The following SYNJ2 variants were observed in gnomAD, a reference collection of about 807,000 sequenced individuals.
SYNJ2 encodes polyphosphatidylinositol phosphatase SYNJ2.
A neutral mutation model predicts 141.3 loss-of-function variants in SYNJ2; 116 were observed. The observed-to-expected ratio is 0.82, with a 90% CI of 0.71 to 0.96. SYNJ2 has a LOEUF of 0.96. SYNJ2 is among the 40% of genes least tolerant of loss of function. The pLI, the probability that SYNJ2 is intolerant of heterozygous loss-of-function variation, is 0.00. For synonymous variants in SYNJ2, 745 were observed against 777.7 expected, an observed-to-expected ratio of 0.96 and a Z score of 0.70; for missense variants, 1,873 against 1,934.8, an observed-to-expected ratio of 0.97 and a Z score of 0.60.
intron 20 of SYNJ2, among the ~76,000 whole-genome samples, chr6:158,082,330 T>C (rs1052949714): frequency 5.3e-5 from 8 of 151,630 alleles, no homozygotes; most frequent in Non-Finnish European, 1.2e-4. Flanking sequence ...CCACTAAAAA[T>C]ACAAAAATTA....
rs141832629 is a variant in SYNJ2 at position 158,033,647 on chromosome 6, C to T, written c.678C>T (p.Asp226=). ...TRFHTRGVND[D]GHVSNFVETE... Reference sequence around the variant, plus strand: ...TCCACACCCGTGGCGTGAACGACGACGGCCATGTGTCCAACTTCGTGGAGA... The same window carrying T: ...TCCACACCCGTGGCGTGAACGACGATGGCCATGTGTCCAACTTCGTGGAGA... Residue 226 remains aspartate, a synonymous_variant, in exon 4 of 27, where the codon GAC becomes GAT. Transcript: ENST00000355585. 127 of 1,611,862 alleles carry T rather than the reference C, an allele frequency of 7.9e-5. No individual in the cohort carries two copies. The East Asian group carries it at 1.7e-3, about 21-fold the overall frequency.
rs765578650 is a variant in SYNJ2, at chr6:158,033,600, T to C, written c.631T>C (p.Cys211Arg). 3 of 1,613,920 alleles carry C rather than the reference T, an allele frequency of 1.9e-6. No individual in the cohort carries two copies. In the South Asian group the frequency reaches 3.3e-5, roughly 18 times the overall value. ...GGCCTGCCTCGTCTCTCGCGTTAGC[T>C]GTGAGCGCACAGGCACTCGCTTCCA... ...AKACLVSRVS[C>R]ERTGTRFHTR... Residue 211 changes from cysteine to arginine, a missense_variant, in exon 4 of 27, where the codon TGT becomes CGT. Physicochemically the swap from Cys to Arg is radical, Grantham distance 180. Coordinates refer to ENST00000355585, the MANE Select transcript of SYNJ2 (RefSeq NM_003898.4).
rs753945291 is a variant in SYNJ2 at position 158,096,068 on chromosome 6, G to C, written c.4195G>C (p.Ala1399Pro). Reference sequence around the variant, plus strand: ...AAGCCCCGACAGCGATGGCACCAAAGCGATGAAGCCAGAGGCAGCCCCACT... The same window carrying C: ...AAGCCCCGACAGCGATGGCACCAAACCGATGAAGCCAGAGGCAGCCCCACT... ...ATSPDSDGTK[A>P]MKPEAAPLLG... The change falls in exon 27 of 27, where the codon GCG (alanine) becomes CCG (proline). Residue 1399 changes from alanine to proline, a missense_variant. Ala to Pro is a conservative substitution (Grantham distance 27, BLOSUM62 -1). Coordinates refer to ENST00000355585, the MANE Select transcript of SYNJ2 (RefSeq NM_003898.4). The C allele has an allele frequency of 1.9e-5, 31 of 1,614,128 alleles. No individual in the cohort carries two copies. The highest frequency in any genetic ancestry group is 2.0e-5 in the Non-Finnish European group (24 of 1,180,060).
chr6:157,991,168 G>A (rs915779220), intron 1 of SYNJ2, among the ~76,000 whole-genome samples: 1 of 152,232 alleles, frequency 6.6e-6, no homozygotes, highest in Admixed American at 6.5e-5. Flanking sequence ...GAACGCCTCT[G>A]GAGCCTGGCA....
chr6:158,005,767 C>T (rs1403624079), intron 1 of SYNJ2, among the ~76,000 whole-genome samples: 3 of 152,116 alleles, frequency 2.0e-5, no homozygotes, highest in Non-Finnish European at 4.4e-5. Flanking sequence ...TGTGCCTCCT[C>T]CCCATCCTCA....
intron 26 of SYNJ2, 48 bp downstream of exon 26, chr6:158,093,152 G>C: frequency 6.4e-7 from 1 of 1,563,594 alleles, no homozygotes; most frequent in Non-Finnish European, 8.7e-7. Flanking sequence ...TTGCTCACAT[G>C]TCTCGATAGA....
chr6:158,041,846 C>T (rs562222295), intron 4 of SYNJ2, among the ~76,000 whole-genome samples: 1 of 152,206 alleles, frequency 6.6e-6, no homozygotes, highest in East Asian at 1.9e-4. Flanking sequence ...ATAGCTGGGA[C>T]TACAGGCATA....
intron 5 of SYNJ2, among the ~76,000 whole-genome samples, chr6:158,045,966 G>C (rs558530263): frequency 6.6e-6 from 1 of 151,960 alleles, no homozygotes; most frequent in Non-Finnish European, 1.5e-5. Context: ...TTTTTGAGAC[G>C]AAGTCTTGCT....
At position 158,070,063 on chromosome 6, in the gene SYNJ2, A is replaced by G. The variant is rs1562380310; in HGVS notation, c.1940+390A>G. ...GTCCCTTTTTAAAAGAATTCTAAGT[A>G]GAACGTGTGGGCCTCTACAACTGTG... On this transcript the variant is annotated intron_variant, in intron 14 of 26. Coordinates refer to ENST00000355585, the MANE Select transcript of SYNJ2 (RefSeq NM_003898.4). This position sits in a 1 kb window ranked among gnomAD's most constrained non-coding sequence, Gnocchi z 4.0. 2 of 806,738 alleles carry G rather than the reference A, an allele frequency of 2.5e-6. No homozygotes were observed. Among genetic ancestry groups the G allele is most frequent in the East Asian group, 2.4e-4 (2 of 8,276 alleles). The allele number at this position is 806,738 out of a possible 1,614,324, so 50.0% of individuals were successfully genotyped here. A position where few individuals can be genotyped will look rare whatever the true frequency, so the allele number is the denominator to read the frequency against.
At chr6:158,079,588 C>A (rs935987446) in intron 18 of SYNJ2, among the ~76,000 whole-genome samples, 1 of 152,054 alleles carries the variant, frequency 6.6e-6, no homozygotes, top group Non-Finnish European at 1.5e-5. Flanking sequence ...CCAGGCTGGT[C>A]TCCAACTCCT....
At position 158,069,538 on chromosome 6, in the gene SYNJ2, C is replaced by T; in HGVS notation, c.1805C>T (p.Thr602Ile). 2 of 1,612,338 alleles carry T rather than the reference C, an allele frequency of 1.2e-6. No homozygotes were observed. Among genetic ancestry groups the T allele is most frequent in the Non-Finnish European group, 1.7e-6 (2 of 1,178,820 alleles). Residue 602 changes from threonine (T) to isoleucine (I), a missense_variant, in exon 14 of 27, where the codon ACC becomes ATC. Thr to Ile is a moderately conservative substitution (Grantham distance 89). Transcript: ENST00000355585. ...SAGNIVNAST[T>I]NKKMWGEQLQ... ...CCTTTCCTTTTCTCTTCCAGTACTA[C>T]CAACAAGAAGATGTGGGGTGAACAG...
At chr6:158,061,456 C>T (rs1003471727) in intron 7 of SYNJ2, among the ~76,000 whole-genome samples, 4 of 152,210 alleles carry the variant, frequency 2.6e-5, no homozygotes, top group Non-Finnish European at 5.9e-5. Flanking sequence ...GCTCCCTGAC[C>T]ATCCTGAAGT....
intron 2 of SYNJ2, among the ~76,000 whole-genome samples, chr6:158,021,928 C>A (rs1398792669): frequency 6.6e-6 from 1 of 152,154 alleles, no homozygotes; most frequent in Non-Finnish European, 1.5e-5. Flanking sequence ...AATTCACGGG[C>A]CAGGGCTGAT....
rs1359540342 is a variant in SYNJ2 at position 158,090,092 on chromosome 6, A to G, written c.3565+145A>G. On this transcript the variant is annotated intron_variant, in intron 25 of 26. Coordinates refer to ENST00000355585, the MANE Select transcript of SYNJ2 (RefSeq NM_003898.4). ...AAAACATCCTTTAGCAACATTTTAT[A>G]TAAATCTATACTAAGATTGATTGTC... 5 of 627,050 alleles carry G rather than the reference A, an allele frequency of 8.0e-6. No homozygotes were observed. In the East Asian group the frequency reaches 1.1e-4, roughly 14 times the overall value. 38.8% of individuals were successfully genotyped at this position (627,050 alleles called of 1,614,324 possible). A position where few individuals can be genotyped will look rare whatever the true frequency, so the allele number is the denominator to read the frequency against.
At position 157,982,165 on chromosome 6, in the gene SYNJ2, C is replaced by G. The variant is rs1024189239; in HGVS notation, c.127+77C>G. On this transcript the variant is annotated intron_variant, in intron 1 of 26. Coordinates refer to ENST00000355585, the MANE Select transcript of SYNJ2 (RefSeq NM_003898.4). The surrounding 1 kb of genome is among the most constrained non-coding windows in gnomAD (Gnocchi z 4.0). ...GCCCAGCCTCGGGAAGACGGGTACC[C>G]CCCCTTCCCGAGGGGATCGGGCGGC... is the stretch of plus-strand genomic sequence containing the variant. The G allele has an allele frequency of 2.0e-5, 25 of 1,253,556 alleles. No individual in the cohort carries two copies. Among genetic ancestry groups the G allele is most frequent in the Non-Finnish European group, 2.3e-5 (23 of 998,260 alleles). 77.7% of individuals were successfully genotyped at this position (1,253,556 alleles called of 1,614,324 possible). A position where few individuals can be genotyped will look rare whatever the true frequency, so the allele number is the denominator to read the frequency against.
At chr6:158,087,943 T>C (rs914172783) in intron 23 of SYNJ2, among the ~76,000 whole-genome samples, 1 of 150,202 alleles carries the variant, frequency 6.7e-6, no homozygotes, top group Non-Finnish European at 1.5e-5. Context: ...TTTTATTTAA[T>C]GGGTTATATT....
intron 5 of SYNJ2, among the ~76,000 whole-genome samples, chr6:158,045,773 C>T (rs1224721394): frequency 2.0e-5 from 3 of 152,124 alleles, no homozygotes; most frequent in South Asian, 2.1e-4. Flanking sequence ...CCTTGACCTT[C>T]GTGCTGCCTC....
chr6:158,001,388 T>TAAC (rs1777848746), intron 1 of SYNJ2: 1 of 146,976 alleles, frequency 6.8e-6, no homozygotes, highest in Non-Finnish European at 1.5e-5. Context: ...AACTGAGAAC[T>TAAC]TTCTTTTTTT....
In SYNJ2 at chr6:158,033,677, G is replaced by A; in HGVS notation, c.708G>A (p.Glu236=). The change falls in exon 4 of 27, where the codon GAG becomes GAA. Residue 236 remains glutamate, a synonymous_variant. Coordinates refer to ENST00000355585, the MANE Select transcript of SYNJ2 (RefSeq NM_003898.4). ...ATGTGTCCAACTTCGTGGAGACAGA[G>A]CAGGTGAGTGCCCAGGCCCATCTGT... ...DGHVSNFVET[E]QMIYMDDGVS... The A allele has an allele frequency of 6.2e-7, 1 of 1,605,124 alleles. No individual in the cohort carries two copies. The highest frequency in any genetic ancestry group is 8.5e-7 in the Non-Finnish European group (1 of 1,176,664).
Sources: gnomAD v4.1 joint callset for allele counts (sites outside exome capture counted in the v4.1 genomes callset) on GRCh38, gnomAD v4.1.1 for gene constraint, Gnocchi (gnomAD v3.1) non-coding constraint, MANE v1.5 for transcripts, NCBI Gene and HGNC (gene_info 2026-07-23, HGNC 2026-07-21) for gene names.